CDK17: variants seen among roughly 807,000 people sequenced by gnomAD.
CDK17 encodes cyclin dependent kinase 17.
In CDK17, 24 loss-of-function variants were observed where a neutral mutation model predicts 77.6. The observed-to-expected ratio is 0.31, with a 90% CI of 0.22 to 0.44. The LOEUF is 0.44. Among genes scored for constraint, CDK17 ranks in the 20% least tolerant of loss-of-function variants. The pLI, the probability that CDK17 is intolerant of heterozygous loss-of-function variation, is 1.00. For synonymous variants in CDK17, 203 were observed against 210.4 expected (o/e 0.96, Z 0.30); for missense variants, 429 against 622.5 (o/e 0.69, Z 3.31).
At chr12:96,300,395 T>C (rs958063439) in intron 5 of CDK17, 35 bp from the exon 6 acceptor site, 4 of 234,546 alleles carry the variant, frequency 1.7e-5, no homozygotes, top group Middle Eastern at 1.4e-3. Flanking sequence ...TAGTATTTAC[T>C]TTTTTTTTTT....
chr12:96,330,545 T>C (rs965517051), intron 2 of CDK17, among the ~76,000 whole-genome samples: 37 of 152,202 alleles, frequency 2.4e-4, no homozygotes, highest in Non-Finnish European at 2.9e-5. Context: ...CCTATCAGCC[T>C]CTGGGAACCA....
chr12:96,377,674 C>T (rs1953803596), intron 1 of CDK17, among the ~76,000 whole-genome samples: 1 of 149,130 alleles, frequency 6.7e-6, no homozygotes, highest in South Asian at 2.1e-4. Context: ...ATCAGAATTA[C>T]AGAAGCAGTT....
chr12:96,387,522 T>C (rs561288388), intron 1 of CDK17, among the ~76,000 whole-genome samples: 8 of 152,334 alleles, frequency 5.3e-5, no homozygotes, highest in African/African-American at 1.9e-4. Context: ...TCTGGAATAA[T>C]ATATAATAGT....
At chr12:96,322,075 A>C (rs548859214) in intron 3 of CDK17, among the ~76,000 whole-genome samples, 1 of 152,344 alleles carries the variant, frequency 6.6e-6, no homozygotes, top group South Asian at 2.1e-4. Context: ...CATCTGACCC[A>C]AACAAGAAAT....
chr12:96,303,116 T>C (rs1264417208), intron 5 of CDK17: 1 of 152,158 alleles, frequency 6.6e-6, no homozygotes, highest in African/African-American at 2.4e-5. Flanking sequence ...TAACAATAGA[T>C]ATAATGACTA....
intron 3 of CDK17, among the ~76,000 whole-genome samples, chr12:96,316,322 C>T (rs1189263364): frequency 1.3e-5 from 2 of 151,886 alleles, no homozygotes; most frequent in East Asian, 1.9e-4. Context: ...CGGAGTCTTG[C>T]TGATTGCTAG....
chr12:96,330,659 T>C (rs2137136425), intron 2 of CDK17, among the ~76,000 whole-genome samples: 1 of 152,340 alleles, frequency 6.6e-6, no homozygotes, highest in South Asian at 2.1e-4. Flanking sequence ...TCAAAGTTCA[T>C]CTATGCTACA....
chr12:96,311,768 A>G (rs1380644039), intron 4 of CDK17, among the ~76,000 whole-genome samples: 1 of 151,868 alleles, frequency 6.6e-6, no homozygotes, highest in Non-Finnish European at 1.5e-5. Flanking sequence ...ATATTTACTG[A>G]GAAATATAAG....
intron 1 of CDK17, among the ~76,000 whole-genome samples, chr12:96,348,880 A>T (rs1953269072): frequency 6.6e-6 from 1 of 152,128 alleles, no homozygotes; most frequent in Non-Finnish European, 1.5e-5. Context: ...TCTACCAAAC[A>T]TTTAAAGATG....
At chr12:96,309,585 C>A (rs772945477) in intron 5 of CDK17, among the ~76,000 whole-genome samples, 1 of 151,982 alleles carries the variant, frequency 6.6e-6, no homozygotes, top group Non-Finnish European at 1.5e-5. Context: ...TGACAAAGGT[C>A]CTGTATATAA....
At chr12:96,282,820 G>T (rs1255989073) in intron 14 of CDK17, among the ~76,000 whole-genome samples, 1 of 152,122 alleles carries the variant, frequency 6.6e-6, no homozygotes, top group Non-Finnish European at 1.5e-5. Context: ...CTAAGATAAG[G>T]CTGGATCTTA....
At chr12:96,361,932 T>C (rs1953498650) in intron 1 of CDK17, among the ~76,000 whole-genome samples, 1 of 152,252 alleles carries the variant, frequency 6.6e-6, no homozygotes, top group Non-Finnish European at 1.5e-5. Flanking sequence ...CAAATATAAA[T>C]AGCTTTTTTC....
chr12:96,380,816 G>A (rs1361354085), intron 1 of CDK17, among the ~76,000 whole-genome samples: 2 of 152,066 alleles, frequency 1.3e-5, no homozygotes, highest in African/African-American at 4.8e-5. Flanking sequence ...CTACCTCTAT[G>A]AGCAACCTTT....
chr12:96,316,595 G>A (rs1383363195), intron 3 of CDK17, among the ~76,000 whole-genome samples: 8 of 142,070 alleles, frequency 5.6e-5, no homozygotes, highest in East Asian at 2.4e-4. Context: ...CTCCCAGCAC[G>A]CAGCTGGAGA....
chr12:96,350,891 G>A (rs1953301310), intron 1 of CDK17, among the ~76,000 whole-genome samples: 1 of 152,024 alleles, frequency 6.6e-6, no homozygotes, highest in Non-Finnish European at 1.5e-5. Flanking sequence ...TAAAATGATA[G>A]TAAAGAGAGT....
At chr12:96,364,548 T>C (rs531103192) in intron 1 of CDK17, among the ~76,000 whole-genome samples, 3 of 152,326 alleles carry the variant, frequency 2.0e-5, no homozygotes, top group Admixed American at 6.5e-5. Flanking sequence ...ACTCCAATCA[T>C]ACTTATGTTC....
In CDK17 at chr12:96,297,253, C is replaced by A. The variant is rs369042608; in HGVS notation, c.873+17G>T. On this transcript the variant is annotated intron_variant, in intron 9 of 16. Coordinates refer to ENST00000261211, the MANE Select transcript of CDK17 (RefSeq NM_002595.5). ...CTTTAAACAAAATTTAAAAATTACACACGCAAGAAAACATACCTTTACGTT... is the reference window on the plus strand; with the variant it reads ...CTTTAAACAAAATTTAAAAATTACAAACGCAAGAAAACATACCTTTACGTT... 9 of 1,563,594 alleles carry A rather than the reference C, an allele frequency of 5.8e-6. No individual in the cohort carries two copies. The highest frequency in any genetic ancestry group is 1.7e-4 in the Middle Eastern group (1 of 5,792).
intron 4 of CDK17, among the ~76,000 whole-genome samples, chr12:96,312,102 C>A (rs1331732080): frequency 1.3e-5 from 2 of 151,888 alleles, no homozygotes; most frequent in Admixed American, 6.6e-5. Context: ...TATGGTGAAA[C>A]CCTGTCTCTA....
At chr12:96,359,910 G>A (rs573411681) in intron 1 of CDK17, among the ~76,000 whole-genome samples, 68 of 152,036 alleles carry the variant, frequency 4.5e-4, no homozygotes, top group Non-Finnish European at 8.5e-4. Flanking sequence ...AAAGTAAACC[G>A]AGACATTCAA....
Sources: allele counts gnomAD v4.1 joint callset (sites outside exome capture counted in the v4.1 genomes callset), GRCh38; gene constraint gnomAD v4.1.1; transcripts MANE v1.5; gene names NCBI Gene and HGNC (gene_info 2026-07-23, HGNC 2026-07-21).